Variants in TRIM71 observed in about 807,000 individuals in gnomAD.
The protein encoded by TRIM71 is tripartite motif containing 71, also known as E3 ubiquitin-protein ligase TRIM71.
TRIM71 carries 9 observed loss-of-function variants against 61.2 expected under a neutral mutation model. The ratio of observed to expected loss-of-function variants is 0.15; its 90% CI spans 0.09 to 0.26. TRIM71 has a LOEUF of 0.26. Ranked by LOEUF, TRIM71 falls within the 10% of genes least tolerant of loss-of-function variation. The pLI is 1.00. For synonymous variants in TRIM71, 645 were observed against 553.2 expected (o/e 1.17, Z -2.33); for missense variants, 998 against 1,238.7 (o/e 0.81, Z 2.92).
At chr3:32,849,601 C>T (rs1472719054) in intron 1 of TRIM71, among the ~76,000 whole-genome samples, 1 of 151,770 alleles carries the variant, frequency 6.6e-6, no homozygotes, top group Non-Finnish European at 1.5e-5. Flanking sequence ...TCAAGTGATC[C>T]ACCCGCCTCA....
intron 1 of TRIM71, among the ~76,000 whole-genome samples, chr3:32,862,642 TTG>T (rs1478828079): frequency 6.6e-6 from 1 of 152,214 alleles, no homozygotes; most frequent in Admixed American, 6.5e-5. Context: ...GCTGGAAAAC[TTG>T]TGTGTCTACG....
At position 32,866,506 on chromosome 3, in the gene TRIM71, C is replaced by T. The variant is rs541055877; in HGVS notation, c.853-7312C>T. On this transcript the variant is annotated intron_variant, in intron 1 of 3. Coordinates refer to ENST00000383763, the MANE Select transcript of TRIM71 (RefSeq NM_001039111.3). Reference sequence around the variant, plus strand: ...ACTCCCAAAGTTCTGGGATTACAGGCGTGAGCCACCACGCCTGATCAATGC... The same window carrying T: ...ACTCCCAAAGTTCTGGGATTACAGGTGTGAGCCACCACGCCTGATCAATGC... Among the ~76,000 whole-genome samples, 14 of 152,302 alleles carry T rather than the reference C, an allele frequency of 9.2e-5. No individual in the cohort carries two copies. The East Asian group carries it at 2.3e-3, about 25-fold the overall frequency.
intron 2 of TRIM71, among the ~76,000 whole-genome samples, chr3:32,878,095 C>T (rs1050235414): frequency 2.0e-5 from 3 of 152,138 alleles, no homozygotes; most frequent in Non-Finnish European, 4.4e-5. Flanking sequence ...TATCGCCTTA[C>T]GAAGTTTATT....
chr3:32,846,126 A>G (rs1575347182), intron 1 of TRIM71, among the ~76,000 whole-genome samples: 1 of 122,882 alleles, frequency 8.1e-6, no homozygotes, highest in Admixed American at 1.0e-4. Context: ...CCCAGGCTGG[A>G]GTGCAGTGGC....
Position 32,843,062 on chromosome 3 carries a change from C to T in TRIM71, c.852+24130C>T, listed in dbSNP as rs115725763. The stretch of plus-strand genomic sequence containing the variant: ...GGATTATCGGGGTGTTGGCCACAGC[C>T]CCTCCAGCTGGGTATAGGCCTGGAA... On this transcript the variant is annotated intron_variant, in intron 1 of 3. Transcript: ENST00000383763. Among the ~76,000 whole-genome samples, 192 of 152,242 alleles carry T rather than the reference C, an allele frequency of 1.3e-3. 1 individual carries two copies. The highest frequency in any genetic ancestry group is 4.5e-3 in the African/African-American group (188 of 41,518).
intron 1 of TRIM71, among the ~76,000 whole-genome samples, chr3:32,872,004 C>T (rs894901790): frequency 1.3e-5 from 2 of 152,056 alleles, no homozygotes; most frequent in Admixed American, 6.6e-5. Context: ...ATTAGTTGGG[C>T]GTGGTGGCAG....
chr3:32,850,710 A>C (rs902557216), intron 1 of TRIM71, among the ~76,000 whole-genome samples: 1 of 152,210 alleles, frequency 6.6e-6, no homozygotes, highest in African/African-American at 2.4e-5. Context: ...TGAGTGCAGG[A>C]TGGAGAGAAC....
rs769893764 is a variant in TRIM71, at chr3:32,818,686, C to G, written c.606C>G (p.Cys202Trp). Residue 202 changes from cysteine (C) to tryptophan (W), a missense_variant, in exon 1 of 4, where the codon TGC becomes TGG. Physicochemically the swap from Cys to Trp is radical, Grantham distance 215 (BLOSUM62 -2). Coordinates refer to ENST00000383763, the MANE Select transcript of TRIM71 (RefSeq NM_001039111.3). ...LLRRPHGCSS[C>W]DEGNAASSRC... ...GCCGTCCTCACGGCTGCAGCTCGTGCGATGAGGGCAACGCAGCTTCTTCGC... is the reference window on the plus strand; with the variant it reads ...GCCGTCCTCACGGCTGCAGCTCGTGGGATGAGGGCAACGCAGCTTCTTCGC... The G allele has an allele frequency of 6.4e-7, 1 of 1,564,806 alleles. No individual in the cohort carries two copies. The highest frequency in any genetic ancestry group is 8.6e-7 in the Non-Finnish European group (1 of 1,163,660).
At chr3:32,828,618 C>T (rs1237495696) in intron 1 of TRIM71, among the ~76,000 whole-genome samples, 3 of 150,548 alleles carry the variant, frequency 2.0e-5, no homozygotes, top group Non-Finnish European at 4.4e-5. Flanking sequence ...AGTGATCCTC[C>T]CACCTCTGCC....
In TRIM71 at chr3:32,891,602, G is replaced by T. The variant is rs767106484; in HGVS notation, c.2398G>T (p.Val800Leu). 6 of 1,613,738 alleles carry T rather than the reference G, an allele frequency of 3.7e-6. No individual in the cohort carries two copies. The South Asian group carries it at 4.4e-5, about 12-fold the overall frequency. Residue 800 changes from valine to leucine, a missense_variant, in exon 4 of 4, where the codon GTA becomes TTA. Val to Leu is a conservative substitution (Grantham distance 32, BLOSUM62 1). Around this residue, in one of 5 missense-constraint regions of TRIM71, gnomAD observed 95 missense variants for 159.0 expected, o/e 0.60. Coordinates refer to ENST00000383763, the MANE Select transcript of TRIM71 (RefSeq NM_001039111.3). The surrounding 1 kb of genome is among the most constrained non-coding windows in gnomAD (Gnocchi z 8.2). ...TGGGCAGTTCCTGCGCCCACAAGGG[G>T]TAGCTGTGGACCAGGAAGGGCGCAT... is the stretch of plus-strand genomic sequence containing the variant. The part of the protein sequence containing the change: ...GNGQFLRPQG[V>L]AVDQEGRIIV...
intron 1 of TRIM71, among the ~76,000 whole-genome samples, chr3:32,819,744 C>G (rs1696106610): frequency 6.6e-6 from 1 of 152,124 alleles, no homozygotes; most frequent in Non-Finnish European, 1.5e-5. Flanking sequence ...TCTCTTGGGC[C>G]GCGCCCGCCT....
chr3:32,851,490 T>G (rs948150219), intron 1 of TRIM71, among the ~76,000 whole-genome samples: 2 of 151,878 alleles, frequency 1.3e-5, no homozygotes, highest in East Asian at 3.9e-4. Context: ...TTTGTTTTTG[T>G]TTTTTTTGAG....
intron 1 of TRIM71, among the ~76,000 whole-genome samples, chr3:32,851,602 C>T (rs184728282): frequency 3.2e-3 from 482 of 152,238 alleles, no homozygotes; most frequent in African/African-American, 0.011. Flanking sequence ...CCTCAGCCTC[C>T]CGAGTAGCTG....
rs1348021488 is a variant in TRIM71, at chr3:32,891,382, G to C, written c.2178G>C (p.Leu726=). ...ACACGAGGAACCACCGGATCCAGCT[G>C]TTTGGGCCTGATGGTGTCTTCCTAA... ...VSDTRNHRIQ[L]FGPDGVFLNK... The change falls in exon 4 of 4, where the codon CTG becomes CTC. Residue 726 remains leucine, a synonymous_variant. Transcript: ENST00000383763. The surrounding 1 kb of genome is among the most constrained non-coding windows in gnomAD (Gnocchi z 8.2). 12 of 1,614,056 alleles carry C rather than the reference G, an allele frequency of 7.4e-6. No individual in the cohort carries two copies. The highest frequency in any genetic ancestry group is 1.7e-5 in the Admixed American group (1 of 60,008).
At position 32,818,382 on chromosome 3, in the gene TRIM71, C is replaced by T. The variant is rs1696083155; in HGVS notation, c.302C>T (p.Ala101Val). Reference sequence around the variant, plus strand: ...GTGTGCGACCAGAAAGTAGTGCTAGCCGAGGCGGCGGGTATGGACGCGCTG... The same window carrying T: ...GTGTGCGACCAGAAAGTAGTGCTAGTCGAGGCGGCGGGTATGGACGCGCTG... ...CPVCDQKVVL[A>V]EAAGMDALPS... The change falls in exon 1 of 4, where the codon GCC becomes GTC. Residue 101 changes from alanine (A) to valine (V), a missense_variant. Physicochemically the swap from Ala to Val is moderately conservative, Grantham distance 64. Transcript: ENST00000383763. The T allele has an allele frequency of 2.0e-6, 3 of 1,478,758 alleles. No homozygotes were observed. The highest frequency in any genetic ancestry group is 2.9e-5 in the African/African-American group (2 of 68,102). 91.6% of individuals were successfully genotyped at this position (1,478,758 alleles called of 1,614,324 possible).
Position 32,893,459 on chromosome 3 carries a change from C to T in TRIM71, c.*1648C>T, listed in dbSNP as rs1360610903. On this transcript the variant is annotated 3_prime_UTR_variant, in exon 4 of 4. Transcript: ENST00000383763. ...CAGATGTAGCTGATACCCTGCTTGT[C>T]AGAACCCAGTGGGTTCCTGCAATGC... is the stretch of plus-strand genomic sequence containing the variant. 6.6e-6 allele frequency: 1 copy of T among 152,142 alleles called. No homozygotes were observed. The highest frequency in any genetic ancestry group is 2.1e-4 in the South Asian group (1 of 4,826). The allele number at this position is 152,142 out of a possible 1,614,324, so 9.4% of individuals were successfully genotyped here. A position where few individuals can be genotyped will look rare whatever the true frequency, so the allele number is the denominator to read the frequency against.
At chr3:32,823,594 GT>G (rs1696164268) in intron 1 of TRIM71, among the ~76,000 whole-genome samples, 1 of 150,148 alleles carries the variant, frequency 6.7e-6, no homozygotes. Context: ...TAGACTTCCA[GT>G]TCTTCATTTG....
chr3:32,881,472 A>G (rs562287462), intron 2 of TRIM71, among the ~76,000 whole-genome samples: 4 of 152,292 alleles, frequency 2.6e-5, no homozygotes, highest in African/African-American at 7.2e-5. Context: ...ATCGATATCT[A>G]TATTCTTTCC....
chr3:32,826,513 C>T (rs1030951299), intron 1 of TRIM71, among the ~76,000 whole-genome samples: 1 of 151,032 alleles, frequency 6.6e-6, no homozygotes, highest in African/African-American at 2.4e-5. Flanking sequence ...TTTTTGTCAT[C>T]CTTACTGTAG....
Sources: gnomAD v4.1 joint callset for allele counts (sites outside exome capture counted in the v4.1 genomes callset) on GRCh38, gnomAD v4.1.1 for gene constraint, gnomAD v4.1.1 regional missense constraint, Gnocchi (gnomAD v3.1) non-coding constraint, MANE v1.5 for transcripts, NCBI Gene and HGNC (gene_info 2026-07-23, HGNC 2026-07-21) for gene names.